The following KIAA1210 variants were observed in gnomAD, a reference collection of about 807,000 sequenced individuals.
KIAA1210 encodes KIAA1210, also known as acrosomal protein KIAA1210.
In KIAA1210, 48 loss-of-function variants were observed where a neutral mutation model predicts 78.9. That is an observed-to-expected ratio of 0.61 (90% CI 0.48 to 0.77). KIAA1210 has a LOEUF of 0.77. Among genes scored for constraint, KIAA1210 ranks in the 30% least tolerant of loss-of-function variants. The pLI, the probability that KIAA1210 is intolerant of heterozygous loss-of-function variation, is 0.00. For missense variants in KIAA1210, 1,108 were observed against 1,100.0 expected, an observed-to-expected ratio of 1.01 and a Z score of -0.10; for synonymous variants, 406 against 404.5, an observed-to-expected ratio of 1.00 and a Z score of -0.04.
intron 2 of KIAA1210, among the ~76,000 whole-genome samples, chrX:119,119,975 CAAAAAAAAAA>C (rs11342308): frequency 5.6e-5 from 2 of 35,794 alleles, no homozygotes; most frequent in East Asian, 8.0e-4. Context: ...GACTCCATCT[CAAAAAAAAAA>C]AAAAAAAAAA....
intron 3 of KIAA1210, among the ~76,000 whole-genome samples, chrX:119,112,567 A>G (rs1364650365): frequency 8.9e-6 from 1 of 112,553 alleles, no homozygotes; most frequent in Non-Finnish European, 1.9e-5. Context: ...GTACATGAAA[A>G]GATGCTCAAC....
At chrX:119,108,540 C>T (rs942487939) in intron 4 of KIAA1210, 69 bp from the exon 5 acceptor site, 8 of 1,121,951 alleles carry the variant, frequency 7.1e-6, no homozygotes, top group Middle Eastern at 5.0e-4. Context: ...AATGTTGCTG[C>T]CAAAATAATT....
rs1927220005 is a variant in KIAA1210 at position 119,088,097 on chromosome X, A to G, written c.2605T>C (p.Tyr869His). 4 of 1,209,354 alleles carry G rather than the reference A, an allele frequency of 3.3e-6. No individual in the cohort carries two copies. The highest frequency in any genetic ancestry group is 4.5e-6 in the Non-Finnish European group (4 of 894,858). ...CATCTGGGAGGCAGCGGTTCCACATAAGTGCCTTCCTCAACAGCTGTGCTT... is the reference window on the plus strand; with the variant it reads ...CATCTGGGAGGCAGCGGTTCCACATGAGTGCCTTCCTCAACAGCTGTGCTT... ...SESTAVEEGT[Y>H]VEPLPPRCLS... Residue 869 changes from tyrosine to histidine, a missense_variant, in exon 9 of 12, where the codon TAT becomes CAT. Tyr to His is a moderately conservative substitution (Grantham distance 83, BLOSUM62 2). Transcript: ENST00000691062.
At chrX:119,092,562 T>C (rs7879664) in intron 8 of KIAA1210, among the ~76,000 whole-genome samples, 2,202 of 110,569 alleles carry the variant, frequency 0.02, 47 homozygotes, top group African/African-American at 0.062. Flanking sequence ...GAGATTGAGA[T>C]CATCCTGGCT....
rs1219090627 is a variant in KIAA1210 at position 119,109,061 on chromosome X, C to T, written c.357+15G>A. 9.1e-6 allele frequency: 11 copies of T among 1,205,689 alleles called. No homozygotes were observed. Among genetic ancestry groups the T allele is most frequent in the African/African-American group, 8.8e-5 (5 of 56,791 alleles). The stretch of plus-strand genomic sequence containing the variant: ...AGTAGTCCAATTAGACACTGATGCT[C>T]GAGTCCACTATTACCTGCTGAGGTC... On this transcript the variant is annotated intron_variant, in intron 4 of 11. Coordinates refer to ENST00000691062, the MANE Select transcript of KIAA1210 (RefSeq NM_001394962.1).
Position 119,089,175 on chromosome X carries a change from G to A in KIAA1210, c.1527C>T (p.Leu509=), listed in dbSNP as rs754782536. 4 of 1,210,812 alleles carry A rather than the reference G, an allele frequency of 3.3e-6. No homozygotes were observed. In the South Asian group the frequency reaches 7.0e-5, roughly 21 times the overall value. ...SLSTTQEEAI[L]SVAAEAQVFM... ...ACACCTGAGCCTCTGCTGCTACTGA[G>A]AGAATGGCCTCCTCTTGGGTTGTAG... The change falls in exon 9 of 12, where the codon CTC becomes CTT. Residue 509 remains leucine (L), a synonymous_variant. Coordinates refer to ENST00000691062, the MANE Select transcript of KIAA1210 (RefSeq NM_001394962.1).
At chrX:119,139,015 T>G (rs995831386) in intron 2 of KIAA1210, among the ~76,000 whole-genome samples, 3 of 111,974 alleles carry the variant, frequency 2.7e-5, no homozygotes, top group Non-Finnish European at 3.8e-5. Flanking sequence ...AAGAAAGTGC[T>G]CAATAAATAG....
In KIAA1210 at chrX:119,088,595, C is replaced by A; in HGVS notation, c.2107G>T (p.Ala703Ser). Residue 703 changes from alanine (A) to serine (S), a missense_variant, in exon 9 of 12, where the codon GCT becomes TCT. Around this residue, in one of 5 missense-constraint regions of KIAA1210, gnomAD observed 672 missense variants for 607.1 expected, o/e 1.11. Transcript: ENST00000691062. ...SEEDLPLRHPAQALGKPKNQQ... is the reference protein window; with the variant it reads ...SEEDLPLRHPSQALGKPKNQQ... ...TTTTTGGGCTTTCCCAAGGCCTGAG[C>A]AGGGTGTCTGAGAGGCAGGTCTTCC... The A allele has an allele frequency of 8.3e-7, 1 of 1,211,502 alleles. No individual in the cohort carries two copies. The highest frequency in any genetic ancestry group is 1.1e-6 in the Non-Finnish European group (1 of 895,348).
chrX:119,150,557 C>A lies in KIAA1210; in HGVS notation c.23G>T (p.Arg8Leu), dbSNP rs142034189. The A allele has an allele frequency of 6.4e-3, 7,728 of 1,206,293 alleles. 300 individuals carry two copies. In the Admixed American group the frequency reaches 0.11, roughly 18 times the overall value. Reference sequence around the variant, plus strand: ...AGAAGCGTGAAAGGCAGAGAAGCCTCGAGGCGTCCAGCCGGCCCTCATTTC... The same window carrying A: ...AGAAGCGTGAAAGGCAGAGAAGCCTAGAGGCGTCCAGCCGGCCCTCATTTC... The change falls in exon 1 of 14, where the codon CGA becomes CTA. Residue 8 changes from arginine to leucine, a missense_variant. Physicochemically the swap from Arg to Leu is moderately radical, Grantham distance 102. Coordinates refer to the KIAA1210 transcript ENST00000402510.
At chrX:119,151,016 T>G (rs977298967), upstream of KIAA1210, among the ~76,000 whole-genome samples, 1 of 112,691 alleles carries the variant, frequency 8.9e-6, no homozygotes, top group Non-Finnish European at 1.9e-5. Flanking sequence ...CCTTGCCTGC[T>G]GGGGTGCATG....
At position 119,089,500 on chromosome X, in the gene KIAA1210, T is replaced by C; in HGVS notation, c.1202A>G (p.Lys401Arg). 1 of 1,212,012 alleles carries C rather than the reference T, an allele frequency of 8.3e-7. No individual in the cohort carries two copies. The highest frequency in any genetic ancestry group is 1.1e-6 in the Non-Finnish European group (1 of 895,463). Residue 401 changes from lysine (K) to arginine (R), a missense_variant, in exon 9 of 12, where the codon AAG (lysine) becomes AGG (arginine). Transcript: ENST00000691062. ...CGAGAAAGGGACATTCCTGGCAGTC[T>C]TATTGGTAGGTGAAGACCCAGCTCT... ...GDRAGSSPTN[K>R]TARNVPFSHL... is the part of the protein sequence containing the mutation.
At chrX:119,116,743 G>T in intron 2 of KIAA1210, 79 bp from the exon 3 acceptor site, 1 of 942,181 alleles carries the variant, frequency 1.1e-6, no homozygotes. Context: ...CTTCATGAGA[G>T]GAAAGAGGAC....
chrX:119,105,010 C>T lies in KIAA1210; in HGVS notation c.630G>A (p.Lys210=), dbSNP rs1280452768. Residue 210 remains lysine (K), a synonymous_variant, in exon 6 of 12, where the codon AAG becomes AAA. Transcript: ENST00000691062. ...TACTCACCTGAGTCGCTGTCAAACT[C>T]TTATGTGGTAAAGCCTTCTTTTGTG... ...KNPQKKALPH[K]SLTATQSFSE... 1.7e-6 allele frequency: 2 copies of T among 1,209,996 alleles called. No individual in the cohort carries two copies. The highest frequency in any genetic ancestry group is 3.5e-5 in the South Asian group (2 of 56,606).
In KIAA1210 at chrX:119,108,358, A is replaced by G; in HGVS notation, c.471T>C (p.Val157=). 1 of 1,210,476 alleles carries G rather than the reference A, an allele frequency of 8.3e-7. No homozygotes were observed. Among genetic ancestry groups the G allele is most frequent in the Non-Finnish European group, 1.1e-6 (1 of 894,973 alleles). ...LQNVPTSAVW[V]AGPKITENPP... The stretch of plus-strand genomic sequence containing the variant: ...TTACCTCAGTGATCTTGGGGCCAGC[A>G]ACCCAGACTGCACTTGTAGGCACAT... Residue 157 remains valine, a synonymous_variant, in exon 5 of 12, where the codon GTT becomes GTC. Transcript: ENST00000691062.
intron 1 of KIAA1210, among the ~76,000 whole-genome samples, chrX:119,125,581 G>T (rs1202362054): frequency 9.9e-6 from 1 of 101,076 alleles, no homozygotes; most frequent in Non-Finnish European, 2.0e-5. Flanking sequence ...GCCTTGCTCT[G>T]TTGCCCAGGC....
chrX:119,099,415 T>C (rs1235172186), intron 6 of KIAA1210, among the ~76,000 whole-genome samples: 1 of 112,035 alleles, frequency 8.9e-6, no homozygotes, highest in African/African-American at 3.2e-5. Flanking sequence ...TGACTCTCAC[T>C]AAGGAATCTA....
intron 3 of KIAA1210, 101 bp from the exon 4 acceptor site, chrX:119,109,303 G>T: frequency 1.2e-6 from 1 of 817,160 alleles, no homozygotes; most frequent in Non-Finnish European, 1.7e-6. Flanking sequence ...ACCTCAGAAG[G>T]AGAGCAGGGA....
Position 119,112,915 on chromosome X carries a change from C to T in KIAA1210, c.230+3581G>A, listed in dbSNP as rs185967730. ...CACAAATGTTCACAGCAGTATTATT[C>T]ACAATAGCCAAAAGGTGGAAACAAC... On this transcript the variant is annotated intron_variant, in intron 3 of 11. Coordinates refer to ENST00000691062, the MANE Select transcript of KIAA1210 (RefSeq NM_001394962.1). Among the ~76,000 whole-genome samples the T allele has an allele frequency of 4.3e-3, 483 of 112,111 alleles. 1 individual carries two copies. Among genetic ancestry groups the T allele is most frequent in the Non-Finnish European group, 7.2e-3 (385 of 53,235 alleles).
intron 6 of KIAA1210, among the ~76,000 whole-genome samples, chrX:119,103,876 C>T (rs766239820): frequency 7.2e-5 from 8 of 111,832 alleles, no homozygotes; most frequent in Admixed American, 9.5e-5. Flanking sequence ...ATTCCATTTA[C>T]GTGAAATATC....
Sources: gnomAD v4.1 joint callset for allele counts (sites outside exome capture counted in the v4.1 genomes callset) on GRCh38, gnomAD v4.1.1 for gene constraint, gnomAD v4.1.1 regional missense constraint, MANE v1.5 for transcripts, NCBI Gene and HGNC (gene_info 2026-07-23, HGNC 2026-07-21) for gene names.